Variants in HS2ST1 observed in about 807,000 individuals in gnomAD.
HS2ST1 encodes the protein 2-O-sulfotransferase.
A neutral mutation model predicts 42.9 loss-of-function variants in HS2ST1; 18 were observed. That is an observed-to-expected ratio of 0.42 (90% confidence interval 0.29 to 0.62). The LOEUF is 0.62. Among genes scored for constraint, HS2ST1 ranks in the 20% least tolerant of loss-of-function variants. The pLI is 0.21. For synonymous variants in HS2ST1, 146 were observed against 152.9 expected (o/e 0.95, Z 0.33); for missense variants, 334 against 433.8 (o/e 0.77, Z 2.04).
chr1:87,105,191 A>G lies in HS2ST1; in HGVS notation c.*495A>G, dbSNP rs1247514900. 6.5e-6 allele frequency: 1 copy of G among 152,678 alleles called. No individual in the cohort carries two copies. The highest frequency in any genetic ancestry group is 1.5e-5 in the Non-Finnish European group (1 of 68,100). The allele number at this position is 152,678 out of a possible 1,614,324, so 9.5% of individuals were successfully genotyped here. ...GTCATGTCTCATGAAATTTATTGGA[A>G]TGTTTAATCATATTTGCTAAGAAAT... On this transcript the variant is annotated 3_prime_UTR_variant, in exon 7 of 7. Coordinates refer to ENST00000370550, the MANE Select transcript of HS2ST1 (RefSeq NM_012262.4).
intron 2 of HS2ST1, among the ~76,000 whole-genome samples, chr1:87,074,203 C>A (rs77589433): frequency 0.024 from 3,660 of 152,170 alleles, 46 homozygotes; most frequent in South Asian, 0.057. Context: ...TTTTGTAGAA[C>A]CAAAATTCCA....
chr1:87,035,165 C>A (rs1650341870), intron 1 of HS2ST1, among the ~76,000 whole-genome samples: 1 of 152,108 alleles, frequency 6.6e-6, no homozygotes, highest in South Asian at 2.1e-4. Context: ...AGGAACATAA[C>A]CTAGCTGACA....
intron 2 of HS2ST1, among the ~76,000 whole-genome samples, chr1:87,075,677 A>G (rs565455641): frequency 4.3e-4 from 65 of 152,200 alleles, no homozygotes; most frequent in African/African-American, 1.5e-3. Flanking sequence ...TCTGCTTGAT[A>G]TCTGCCTTTA....
chr1:87,012,401 A>G (rs969811269), intron 1 of HS2ST1, among the ~76,000 whole-genome samples: 2 of 152,172 alleles, frequency 1.3e-5, no homozygotes, highest in Non-Finnish European at 2.9e-5. Context: ...ACAAGCTCTC[A>G]TGAGACTTAT....
chr1:87,036,436 A>G (rs1650378168), intron 1 of HS2ST1, among the ~76,000 whole-genome samples: 2 of 152,178 alleles, frequency 1.3e-5, no homozygotes, highest in Admixed American at 6.5e-5. Flanking sequence ...AAGAAATACT[A>G]TTCATATTAT....
intron 1 of HS2ST1, among the ~76,000 whole-genome samples, chr1:87,009,087 C>A (rs1201828703): frequency 2.0e-5 from 3 of 152,158 alleles, no homozygotes; most frequent in African/African-American, 7.2e-5. Flanking sequence ...CAAGCGATCG[C>A]CCACCTCGGC....
intron 1 of HS2ST1, among the ~76,000 whole-genome samples, chr1:86,999,251 T>C (rs1202607121): frequency 6.6e-6 from 1 of 152,150 alleles, no homozygotes; most frequent in Non-Finnish European, 1.5e-5. Context: ...CGATCTCGGC[T>C]CACCGCGGTC....
At chr1:86,929,250 A>C (rs1660490138) in intron 1 of HS2ST1, among the ~76,000 whole-genome samples, 1 of 151,840 alleles carries the variant, frequency 6.6e-6, no homozygotes, top group Admixed American at 6.6e-5. Flanking sequence ...TGTTGTCTTT[A>C]AGGTTTAATA....
At chr1:86,955,077 T>G (rs1033235216) in intron 1 of HS2ST1, among the ~76,000 whole-genome samples, 2 of 152,166 alleles carry the variant, frequency 1.3e-5, no homozygotes, top group Admixed American at 1.3e-4. Context: ...TTTATTTATC[T>G]AGAGTGAAAT....
intron 5 of HS2ST1, 75 bp from the exon 6 acceptor site, chr1:87,103,357 T>C: frequency 2.3e-6 from 3 of 1,328,758 alleles, no homozygotes; most frequent in Non-Finnish European, 3.1e-6. Context: ...TTCTCTGTAA[T>C]ATATGGTGTC....
intron 1 of HS2ST1, among the ~76,000 whole-genome samples, chr1:86,963,496 C>T (rs1188086056): frequency 6.6e-6 from 1 of 152,226 alleles, no homozygotes; most frequent in African/African-American, 2.4e-5. Flanking sequence ...AGATCAACAG[C>T]ATCCCAAGGC....
At chr1:87,041,234 AAAAAAAC>A (rs1650515176) in intron 1 of HS2ST1, among the ~76,000 whole-genome samples, 1 of 88,762 alleles carries the variant, frequency 1.1e-5, no homozygotes, top group Non-Finnish European at 2.3e-5. Context: ...CTAAAAAAAA[AAAAAAAC>A]AAAAAAAAAA....
chr1:87,080,528 A>C (rs1272287657), intron 2 of HS2ST1, among the ~76,000 whole-genome samples: 1 of 152,212 alleles, frequency 6.6e-6, no homozygotes, highest in Non-Finnish European at 1.5e-5. Flanking sequence ...ATGGCCAAAT[A>C]GAAGCCTTCA....
At chr1:86,964,269 T>C (rs998092721) in intron 1 of HS2ST1, among the ~76,000 whole-genome samples, 2 of 152,098 alleles carry the variant, frequency 1.3e-5, no homozygotes, top group African/African-American at 2.4e-5. Flanking sequence ...CTCGGCACTT[T>C]GGGAGGCCAA....
intron 1 of HS2ST1, among the ~76,000 whole-genome samples, chr1:87,053,599 G>C (rs1390698751): frequency 6.6e-6 from 1 of 152,110 alleles, no homozygotes; most frequent in East Asian, 1.9e-4. Flanking sequence ...TGCATTCTTA[G>C]TAGTAAGGTC....
At chr1:87,003,622 C>T in intron 1 of HS2ST1, among the ~76,000 whole-genome samples, 1 of 152,116 alleles carries the variant, frequency 6.6e-6, no homozygotes, top group Non-Finnish European at 1.5e-5. Flanking sequence ...GCTCCCTGTA[C>T]CCATTGGTTC....
chr1:86,926,349 A>G (rs1220892312), intron 1 of HS2ST1, among the ~76,000 whole-genome samples: 1 of 152,164 alleles, frequency 6.6e-6, no homozygotes, highest in African/African-American at 2.4e-5. Flanking sequence ...CTGCCCGGCA[A>G]ACTTCAGCCG....
Position 86,960,767 on chromosome 1 carries a change from A to G in HS2ST1, c.124+45607A>G, listed in dbSNP as rs931168877. On this transcript the variant is annotated intron_variant, in intron 1 of 6. Transcript: ENST00000370550. ...GTGATGAAAATTCCAGACACTGACA[A>G]TACCACATGCTGGTGAGTATGTGGA... is the stretch of plus-strand genomic sequence containing the variant. 5.3e-5 allele frequency among the ~76,000 whole-genome samples: 8 copies of G among 152,328 alleles called. No homozygotes were observed. In the East Asian group the frequency reaches 1.5e-3, roughly 29 times the overall value.
At chr1:87,071,729 G>GAAA (rs537202045) in intron 1 of HS2ST1, among the ~76,000 whole-genome samples, 5 of 107,902 alleles carry the variant, frequency 4.6e-5, no homozygotes, top group East Asian at 5.5e-4. Context: ...CTCTGTCTCC[G>GAAA]AAAAAAAAAA....
Sources: allele counts gnomAD v4.1 joint callset (sites outside exome capture counted in the v4.1 genomes callset), GRCh38; gene constraint gnomAD v4.1.1; transcripts MANE v1.5; gene names NCBI Gene and HGNC (gene_info 2026-07-23, HGNC 2026-07-21).